The following ASTN1 variants were observed in gnomAD, a reference collection of about 807,000 sequenced individuals.
ASTN1 encodes the protein astrotactin 1.
Under a neutral mutation model 140.7 loss-of-function variants are expected in ASTN1, and 41 were observed. The observed-to-expected ratio is 0.29, with a 90% CI of 0.23 to 0.38. ASTN1 has a LOEUF of 0.38. ASTN1 is among the 10% of genes least tolerant of loss of function. The pLI, the probability that ASTN1 is intolerant of heterozygous loss-of-function variation, is 1.00. For missense variants in ASTN1, 1,479 were observed against 1,678.8 expected, an observed-to-expected ratio of 0.88 and a Z score of 2.08; for synonymous variants, 640 against 652.2, an observed-to-expected ratio of 0.98 and a Z score of 0.29.
At chr1:176,909,164 T>A (rs1229402095) in intron 16 of ASTN1, among the ~76,000 whole-genome samples, 3 of 152,180 alleles carry the variant, frequency 2.0e-5, no homozygotes, top group Non-Finnish European at 4.4e-5. Context: ...GGGAGCAGAC[T>A]ATGGGCCCAC....
intron 16 of ASTN1, among the ~76,000 whole-genome samples, chr1:176,896,983 A>T (rs1028730184): frequency 6.6e-6 from 1 of 152,170 alleles, no homozygotes; most frequent in African/African-American, 2.4e-5. Flanking sequence ...CTTCATTAAG[A>T]AAGTAAGTAA....
intron 8 of ASTN1, among the ~76,000 whole-genome samples, chr1:176,994,098 CCCCACCCCCCCCGCCA>C (rs1674321816): frequency 6.7e-6 from 1 of 148,868 alleles, no homozygotes; most frequent in Non-Finnish European, 1.5e-5. Context: ...AAAGTTTTCA[CCCCACCCCCCCCGCCA>C]CCCACCAATG....
chr1:176,892,231 C>T (rs1669298367), intron 17 of ASTN1, among the ~76,000 whole-genome samples: 1 of 152,032 alleles, frequency 6.6e-6, no homozygotes, highest in Non-Finnish European at 1.5e-5. Context: ...CATTAAATTA[C>T]TTTGATGCCA....
Position 176,868,429 on chromosome 1 carries a change from T to C in ASTN1, c.3647+415A>G, listed in dbSNP as rs190434123. Among the ~76,000 whole-genome samples the C allele has an allele frequency of 1.2e-3, 181 of 152,306 alleles. 1 individual carries two copies. Among genetic ancestry groups the C allele is most frequent in the African/African-American group, 4.1e-3 (169 of 41,562 alleles). ...GCATTTCAAGAGATGTGGAATTTAA[T>C]TCAAAATAAGTATTTACAATGGATG... On this transcript the variant is annotated intron_variant, in intron 22 of 22. Transcript: ENST00000361833.
At chr1:176,887,978 T>A in intron 18 of ASTN1, 93 bp downstream of exon 18, 1 of 1,542,622 alleles carries the variant, frequency 6.5e-7, no homozygotes, top group Non-Finnish European at 8.8e-7. Context: ...ATATTTTTCT[T>A]TGTTTCCCAG....
chr1:177,072,458 G>A (rs184978760), intron 1 of ASTN1, among the ~76,000 whole-genome samples: 1 of 152,140 alleles, frequency 6.6e-6, no homozygotes, highest in African/African-American at 2.4e-5. Flanking sequence ...CACTGAAGGG[G>A]TTAAGATGAC....
At chr1:177,086,590 CAT>C (rs1277581827) in intron 1 of ASTN1, among the ~76,000 whole-genome samples, 8 of 152,160 alleles carry the variant, frequency 5.3e-5, no homozygotes, top group African/African-American at 7.2e-5. Context: ...AAAACCATCA[CAT>C]GTTTCAAAGA....
At chr1:177,093,851 G>A (rs2102110903) in intron 1 of ASTN1, among the ~76,000 whole-genome samples, 1 of 152,316 alleles carries the variant, frequency 6.6e-6, no homozygotes, top group African/African-American at 2.4e-5. Context: ...GTATGTGGAA[G>A]AAGACTCTTC....
At chr1:177,118,730 T>A (rs1681224250) in intron 1 of ASTN1, among the ~76,000 whole-genome samples, 1 of 152,144 alleles carries the variant, frequency 6.6e-6, no homozygotes, top group South Asian at 2.1e-4. Context: ...GGTTTGCCAA[T>A]ATTACATGTG....
At chr1:177,072,003 G>T (rs1442334861) in intron 1 of ASTN1, among the ~76,000 whole-genome samples, 1 of 152,126 alleles carries the variant, frequency 6.6e-6, no homozygotes, top group African/African-American at 2.4e-5. Flanking sequence ...AGGCTTTACA[G>T]AATTAGAAAC....
At chr1:176,932,879 G>T (rs1028613033) in intron 16 of ASTN1, among the ~76,000 whole-genome samples, 1 of 152,212 alleles carries the variant, frequency 6.6e-6, no homozygotes, top group Non-Finnish European at 1.5e-5. Context: ...AATAGAAGAG[G>T]ATTCAGCCCT....
In ASTN1 at chr1:177,109,950, G is replaced by A. The variant is rs1680740804; in HGVS notation, c.284-48685C>T. 2.0e-5 allele frequency among the ~76,000 whole-genome samples: 3 copies of A among 152,280 alleles called. 1 individual carries two copies. In the South Asian group the frequency reaches 6.2e-4, roughly 32 times the overall value. ...ATTTTTCTATTCCTTGAAAAGTTCA[G>A]CTGAAGGCATCTTTCATCTTTAATT... On this transcript the variant is annotated intron_variant, in intron 1 of 22. Coordinates refer to ENST00000361833, the MANE Select transcript of ASTN1 (RefSeq NM_004319.3).
chr1:177,064,820 C>T (rs1207753901), intron 1 of ASTN1, among the ~76,000 whole-genome samples: 1 of 152,216 alleles, frequency 6.6e-6, no homozygotes, highest in Non-Finnish European at 1.5e-5. Context: ...CACAGAAGTG[C>T]TACAATGCTA....
chr1:177,061,054 A>G (rs376341548), intron 2 of ASTN1, 24 bp downstream of exon 2: 4 of 1,511,502 alleles, frequency 2.6e-6, no homozygotes. Context: ...ATGGCCTGAG[A>G]GGCTAAGGCT....
At position 176,907,584 on chromosome 1, in the gene ASTN1, A is replaced by C. The variant is rs1670055000; in HGVS notation, c.2672-12754T>G. On this transcript the variant is annotated intron_variant, in intron 16 of 22. Coordinates refer to ENST00000361833, the MANE Select transcript of ASTN1 (RefSeq NM_004319.3). ...GTCCTGCTTTAGGGGGAAATAATGC[A>C]AGTCAGAAAACTTTTATATACTTGA... Among the ~76,000 whole-genome samples, 4 of 152,240 alleles carry C rather than the reference A, an allele frequency of 2.6e-5. No individual in the cohort carries two copies. The South Asian group carries it at 8.3e-4, about 31-fold the overall frequency.
chr1:177,039,243 G>GAATTC (rs1295591868), intron 2 of ASTN1, among the ~76,000 whole-genome samples: 1 of 152,190 alleles, frequency 6.6e-6, no homozygotes, highest in Non-Finnish European at 1.5e-5. Flanking sequence ...TAGACATACT[G>GAATTC]AATTCAAATT....
intron 1 of ASTN1, among the ~76,000 whole-genome samples, chr1:177,142,631 G>T (rs1682523977): frequency 6.6e-6 from 1 of 152,058 alleles, no homozygotes; most frequent in Admixed American, 6.5e-5. Flanking sequence ...AAAAAAATGA[G>T]GGAAAGGAAG....
chr1:177,034,863 C>T (rs533043505), intron 2 of ASTN1, among the ~76,000 whole-genome samples: 2 of 152,312 alleles, frequency 1.3e-5, no homozygotes. Flanking sequence ...ATTTTATTCC[C>T]TAAGGAGCTG....
intron 9 of ASTN1, among the ~76,000 whole-genome samples, chr1:176,961,590 G>T (rs938174176): frequency 6.6e-6 from 1 of 152,216 alleles, no homozygotes; most frequent in African/African-American, 2.4e-5. Context: ...CTGTAAATGG[G>T]AAAATTGGGA....
Sources: gnomAD v4.1 joint callset for allele counts (sites outside exome capture counted in the v4.1 genomes callset) on GRCh38, gnomAD v4.1.1 for gene constraint, MANE v1.5 for transcripts, NCBI Gene and HGNC (gene_info 2026-07-23, HGNC 2026-07-21) for gene names.